The following ZNF69 variants were observed in gnomAD, a reference collection of about 807,000 sequenced individuals.
ZNF69 encodes ZNF3.
Under a neutral mutation model 50.9 loss-of-function variants are expected in ZNF69, and 47 were observed. The observed-to-expected ratio is 0.92, with a 90% CI of 0.73 to 1.18. The LOEUF (loss-of-function observed/expected upper bound fraction) is 1.18. ZNF69 is among the 50% of genes most tolerant of loss of function. The pLI, the probability that ZNF69 is intolerant of heterozygous loss-of-function variation, is 0.00. For missense variants in ZNF69, 717 were observed against 675.1 expected (o/e 1.06, Z -0.69); for synonymous variants, 216 against 223.1 (o/e 0.97, Z 0.29).
At chr19:11,940,976 G>A in the ZNF69 span, among the ~76,000 whole-genome samples, 1 of 151,820 alleles carries the variant, frequency 6.6e-6, no homozygotes, top group Admixed American at 6.6e-5. Context: ...CAAACCTTGA[G>A]CTAGATACAG....
chr19:11,905,490 T>C lies in ZNF69; in HGVS notation c.1093T>C (p.Cys365Arg). 2 of 1,614,164 alleles carry C rather than the reference T, an allele frequency of 1.2e-6. No individual in the cohort carries two copies. The highest frequency in any genetic ancestry group is 1.6e-4 in the Middle Eastern group (1 of 6,062). ...AGAAAGACCTTATGAATGTAAGATA[T>C]GTGGGAAAGGCTTTTGTTCTGCCAA... Reference protein sequence around the residue: ...SGERPYECKICGKGFCSANSF... With the variant: ...SGERPYECKIRGKGFCSANSF... The change falls in exon 4 of 4, where the codon TGT becomes CGT. Residue 365 changes from cysteine to arginine, a missense_variant. Transcript: ENST00000429654.
the ZNF69 span, among the ~76,000 whole-genome samples, chr19:11,927,273 G>C: frequency 2.0e-5 from 3 of 151,996 alleles, no homozygotes; most frequent in African/African-American, 4.8e-5. Context: ...AGAATCACTT[G>C]AACCCCAGAG....
the ZNF69 span, among the ~76,000 whole-genome samples, chr19:11,922,639 G>C: frequency 7.2e-5 from 10 of 138,038 alleles, no homozygotes; most frequent in Admixed American, 3.1e-4. Context: ...GGTTTCACCA[G>C]GGGCCTTTTC....
rs1426806987 is a variant in ZNF69 at position 11,905,324 on chromosome 19, T to C, written c.927T>C (p.Cys309=). The change falls in exon 4 of 4, where the codon TGT becomes TGC. Residue 309 remains cysteine, a synonymous_variant. Coordinates refer to ENST00000429654, the MANE Select transcript of ZNF69 (RefSeq NM_001364730.1). ...TGEKAYQCKE[C]GKAFTCPQYV... ...AGAAGGCTTATCAATGTAAGGAATG[T>C]GGAAAAGCATTCACGTGTCCCCAGT... 1 of 1,614,064 alleles carries C rather than the reference T, an allele frequency of 6.2e-7. No individual in the cohort carries two copies. The highest frequency in any genetic ancestry group is 1.3e-5 in the African/African-American group (1 of 75,008).
At chr19:11,918,342 C>A (rs1972539389), downstream of ZNF69, among the ~76,000 whole-genome samples, 1 of 152,176 alleles carries the variant, frequency 6.6e-6, no homozygotes, top group Admixed American at 6.5e-5. Context: ...TACTCTTAAA[C>A]AGAATCTCTG....
At chr19:11,956,494 C>A in the ZNF69 span, 1 of 398,284 alleles carries the variant, frequency 2.5e-6, no homozygotes, top group South Asian at 1.3e-4. Context: ...GGTATTTTCT[C>A]ATTGAAACAG....
chr19:11,904,564 T>G, intron 3 of ZNF69, 85 bp from the exon 4 acceptor site: 1 of 1,524,072 alleles, frequency 6.6e-7, no homozygotes, highest in Non-Finnish European at 8.8e-7. Flanking sequence ...ATGGACAGTG[T>G]TAAAAATGCA....
chr19:11,935,754 C>T, the ZNF69 span, among the ~76,000 whole-genome samples: 3 of 152,146 alleles, frequency 2.0e-5, no homozygotes, highest in Admixed American at 6.6e-5. Flanking sequence ...ATGTGCACAA[C>T]GTGCAGGTTT....
chr19:11,894,273 C>G (rs1977169060), intron 1 of ZNF69, among the ~76,000 whole-genome samples: 2 of 152,134 alleles, frequency 1.3e-5, no homozygotes, highest in Non-Finnish European at 2.9e-5. Context: ...GGGTTCATGC[C>G]ATTCTCCTGC....
Position 11,905,973 on chromosome 19 carries a change from A to G in ZNF69, c.1576A>G (p.Arg526Gly), listed in dbSNP as rs1227025643. The change falls in exon 4 of 4, where the codon AGG (arginine) becomes GGG (glycine). Residue 526 changes from arginine (R) to glycine (G), a missense_variant. Physicochemically the swap from Arg to Gly is moderately radical, Grantham distance 125. Transcript: ENST00000429654. ...SSSSSFRYHE[R>G]THTGEKPYKC... ...TTCCAGTTCCTTTCGATACCATGAAAGGACTCACACTGGAGAGAAACCCTA... is the reference window on the plus strand; with the variant it reads ...TTCCAGTTCCTTTCGATACCATGAAGGGACTCACACTGGAGAGAAACCCTA... The G allele has an allele frequency of 2.5e-6, 4 of 1,614,110 alleles. No individual in the cohort carries two copies. The highest frequency in any genetic ancestry group is 3.4e-6 in the Non-Finnish European group (4 of 1,180,012).
the ZNF69 span, chr19:11,956,401 G>T: frequency 5.1e-6 from 2 of 391,772 alleles, no homozygotes; most frequent in African/African-American, 4.1e-5. Context: ...CCTGATGAGG[G>T]GTGATAGGTA....
At chr19:11,908,404 T>C (rs1490588677), downstream of ZNF69, among the ~76,000 whole-genome samples, 1 of 152,170 alleles carries the variant, frequency 6.6e-6, no homozygotes, top group Non-Finnish European at 1.5e-5. Context: ...TATTCCAAAA[T>C]TGACCACATA....
chr19:11,905,406 T>C lies in ZNF69; in HGVS notation c.1009T>C (p.Cys337Arg), dbSNP rs751431397. 3.5e-4 allele frequency: 566 copies of C among 1,614,050 alleles called. No individual in the cohort carries two copies. Among genetic ancestry groups the C allele is most frequent in the Non-Finnish European group, 4.6e-4 (537 of 1,180,036 alleles). ...GAAAAAACCCTATGAATGTACGCAG[T>C]GTGGGAAAGCATTATCCTCTCTTAC... is the stretch of plus-strand genomic sequence containing the variant. ...SRKKPYECTQ[C>R]GKALSSLTSF... Residue 337 changes from cysteine (C) to arginine (R), a missense_variant, in exon 4 of 4, where the codon TGT (cysteine) becomes CGT (arginine). Physicochemically the swap from Cys to Arg is radical, Grantham distance 180. Transcript: ENST00000429654.
the ZNF69 span, chr19:11,949,603 G>GA: frequency 6.2e-7 from 1 of 1,613,136 alleles, no homozygotes; most frequent in East Asian, 2.2e-5. Context: ...TCAAACACAT[G>GA]AAAAAACTCA....
At chr19:11,893,251 T>G (rs1470013582) in intron 1 of ZNF69, among the ~76,000 whole-genome samples, 1 of 152,220 alleles carries the variant, frequency 6.6e-6, no homozygotes, top group Non-Finnish European at 1.5e-5. Flanking sequence ...TGTATTTAAA[T>G]TTGCTTTCAG....
downstream of ZNF69, among the ~76,000 whole-genome samples, chr19:11,909,397 A>C (rs1335145018): frequency 1.3e-5 from 2 of 152,250 alleles, no homozygotes; most frequent in Non-Finnish European, 1.5e-5. Context: ...ATACCTGATG[A>C]ACATCGATGC....
At chr19:11,953,938 A>G in the ZNF69 span, among the ~76,000 whole-genome samples, 1 of 152,232 alleles carries the variant, frequency 6.6e-6, no homozygotes, top group Non-Finnish European at 1.5e-5. Flanking sequence ...ATTAAATATG[A>G]ACAGCATTTT....
chr19:11,925,123 G>A, the ZNF69 span: 6 of 1,523,362 alleles, frequency 3.9e-6, no homozygotes, highest in Admixed American at 7.3e-5. Flanking sequence ...CTTCCTCGCT[G>A]CGCGGGCGGC....
chr19:11,887,885 T>G lies in ZNF69; in HGVS notation c.-39T>G, dbSNP rs1033050123. ...CTTTCCAGCCCCGAGAGGGACCTGG[T>G]TCCTCTGCCCAGGCTTCTGTCACTC... On this transcript the variant is annotated 5_prime_UTR_variant, in exon 1 of 4. Coordinates refer to ENST00000429654, the MANE Select transcript of ZNF69 (RefSeq NM_001364730.1). 1.1e-5 allele frequency: 17 copies of G among 1,593,326 alleles called. No homozygotes were observed. In the Admixed American group the frequency reaches 2.5e-4, roughly 24 times the overall value.
Sources: allele counts gnomAD v4.1 joint callset (sites outside exome capture counted in the v4.1 genomes callset), GRCh38; gene constraint gnomAD v4.1.1; transcripts MANE v1.5; gene names NCBI Gene and HGNC (gene_info 2026-07-23, HGNC 2026-07-21).